DNAJC1: variants seen among roughly 807,000 people sequenced by gnomAD.
DNAJC1 encodes dnaJ homolog subfamily C member 1.
A neutral mutation model predicts 76.6 loss-of-function variants in DNAJC1; 58 were observed. That is an observed-to-expected ratio of 0.76 (90% CI 0.61 to 0.94). DNAJC1 has a LOEUF of 0.94. DNAJC1 is among the 40% of genes least tolerant of loss of function. DNAJC1 has a pLI of 0.00. For synonymous variants in DNAJC1, 258 were observed against 267.9 expected (o/e 0.96, Z 0.36); for missense variants, 689 against 677.3 (o/e 1.02, Z -0.19).
intron 1 of DNAJC1, among the ~76,000 whole-genome samples, chr10:21,957,915 T>C (rs1801227011): frequency 6.6e-6 from 1 of 152,198 alleles, no homozygotes; most frequent in African/African-American, 2.4e-5. Flanking sequence ...TGTACTATTA[T>C]TAAGCAAAAT....
At chr10:21,779,371 C>T (rs930528188) in intron 9 of DNAJC1, among the ~76,000 whole-genome samples, 6 of 152,198 alleles carry the variant, frequency 3.9e-5, no homozygotes, top group African/African-American at 1.4e-4. Context: ...ACACCTCACA[C>T]GGCCACATAC....
At chr10:21,873,529 A>G (rs1836138477) in intron 8 of DNAJC1, among the ~76,000 whole-genome samples, 1 of 152,190 alleles carries the variant, frequency 6.6e-6, no homozygotes, top group Non-Finnish European at 1.5e-5. Flanking sequence ...TATCCTTCAA[A>G]ATGAAGGATA....
intron 1 of DNAJC1, chr10:21,933,176 A>C (rs1334093610): frequency 6.6e-6 from 1 of 152,498 alleles, no homozygotes; most frequent in Non-Finnish European, 1.5e-5. Flanking sequence ...GACATCTGTC[A>C]CCCCACTGAT....
chr10:21,984,268 TA>T (rs1564844995), intron 1 of DNAJC1, among the ~76,000 whole-genome samples: 1 of 152,148 alleles, frequency 6.6e-6, no homozygotes, highest in Admixed American at 6.5e-5. Flanking sequence ...AATAACAGCT[TA>T]AAAAATGATA....
chr10:21,852,105 ACACAC>A (rs2131689274), intron 8 of DNAJC1, among the ~76,000 whole-genome samples: 1 of 136,024 alleles, frequency 7.4e-6, no homozygotes, highest in East Asian at 2.1e-4. Context: ...ACACACACAC[ACACAC>A]ACACACACAC....
chr10:21,851,201 A>T (rs573175678), intron 8 of DNAJC1, among the ~76,000 whole-genome samples: 2 of 152,348 alleles, frequency 1.3e-5, no homozygotes, highest in East Asian at 3.9e-4. Context: ...TATGAAAATG[A>T]AAAAACTCCT....
At chr10:21,808,445 CA>C (rs1470390242) in intron 8 of DNAJC1, among the ~76,000 whole-genome samples, 1 of 152,012 alleles carries the variant, frequency 6.6e-6, no homozygotes, top group Admixed American at 6.6e-5. Flanking sequence ...ACTGCTATGA[CA>C]GTCTTAAGTT....
intron 1 of DNAJC1, among the ~76,000 whole-genome samples, chr10:21,984,331 G>A (rs908539523): frequency 9.2e-5 from 14 of 152,162 alleles, no homozygotes; most frequent in Admixed American, 3.3e-4. Context: ...AGCAGTTCCA[G>A]GGGCAGTTAT....
intron 3 of DNAJC1, among the ~76,000 whole-genome samples, chr10:21,922,943 G>C (rs1194400104): frequency 2.0e-5 from 3 of 151,810 alleles, no homozygotes; most frequent in Non-Finnish European, 4.4e-5. Context: ...ATTTGCTTTG[G>C]GTATAACTAA....
At chr10:21,813,018 C>CACACACAT (rs1169646214) in intron 8 of DNAJC1, among the ~76,000 whole-genome samples, 2 of 81,064 alleles carry the variant, frequency 2.5e-5, no homozygotes, top group African/African-American at 5.1e-5. Context: ...AAGACATATA[C>CACACACAT]ACACACATAC....
chr10:21,880,725 G>T (rs139787865), intron 8 of DNAJC1, among the ~76,000 whole-genome samples: 1 of 152,292 alleles, frequency 6.6e-6, no homozygotes, highest in East Asian at 1.9e-4. Context: ...AGCACAGATA[G>T]AATGGATTTA....
intron 6 of DNAJC1, among the ~76,000 whole-genome samples, chr10:21,912,077 C>G (rs1416956330): frequency 6.6e-6 from 1 of 152,098 alleles, no homozygotes; most frequent in Non-Finnish European, 1.5e-5. Context: ...TTATAATCAG[C>G]CTGAACATTC....
chr10:21,919,633 T>C (rs1249233703), intron 5 of DNAJC1, among the ~76,000 whole-genome samples, 199 bp downstream of exon 5: 1 of 151,942 alleles, frequency 6.6e-6, no homozygotes, highest in Admixed American at 6.6e-5. Flanking sequence ...TCACACTTTA[T>C]ATGGGGGAAA....
intron 1 of DNAJC1, among the ~76,000 whole-genome samples, chr10:21,958,085 T>C (rs780477937): frequency 2.2e-4 from 34 of 152,320 alleles, no homozygotes; most frequent in Non-Finnish European, 3.4e-4. Flanking sequence ...TAATTGAGAA[T>C]ACCATTGTAT....
Position 21,803,074 on chromosome 10 carries a change from ACT to A in DNAJC1, c.1098+2904_1098+2905del, listed in dbSNP as rs1834831453. On this transcript the variant is annotated intron_variant, in intron 9 of 11. Coordinates refer to ENST00000376980, the MANE Select transcript of DNAJC1 (RefSeq NM_022365.4). ...ATCCAGAGTACAATTTAGCAATCTA[ACT>A]CTGCTAATTATGACAATTAATATAC... is the stretch of plus-strand genomic sequence containing the variant. Among the ~76,000 whole-genome samples, 3 of 152,142 alleles carry A rather than the reference ACT, an allele frequency of 2.0e-5. No individual in the cohort carries two copies. In the South Asian group the frequency reaches 6.2e-4, roughly 32 times the overall value.
At chr10:21,776,137 T>G (rs938316484) in intron 9 of DNAJC1, among the ~76,000 whole-genome samples, 3 of 152,122 alleles carry the variant, frequency 2.0e-5, no homozygotes, top group Non-Finnish European at 4.4e-5. Context: ...GTAGGTTGCA[T>G]TCCCTCTAGT....
intron 8 of DNAJC1, among the ~76,000 whole-genome samples, chr10:21,873,717 C>A (rs1047761339): frequency 6.6e-6 from 1 of 152,014 alleles, no homozygotes; most frequent in African/African-American, 2.4e-5. Flanking sequence ...GTGGAAAAGA[C>A]ACTATAAAGG....
intron 9 of DNAJC1, among the ~76,000 whole-genome samples, chr10:21,791,897 GA>G (rs924925576): frequency 6.6e-6 from 1 of 151,894 alleles, no homozygotes; most frequent in African/African-American, 2.4e-5. Flanking sequence ...AATTGAAACT[GA>G]AAAAACCATA....
intron 6 of DNAJC1, among the ~76,000 whole-genome samples, chr10:21,912,741 ATAGCCTTT>A: frequency 6.6e-6 from 1 of 152,240 alleles, no homozygotes; most frequent in East Asian, 1.9e-4. Flanking sequence ...CAAATGCCTC[ATAGCCTTT>A]TAGAAGCTTT....
Sources: allele counts gnomAD v4.1 joint callset (sites outside exome capture counted in the v4.1 genomes callset), GRCh38; gene constraint gnomAD v4.1.1; transcripts MANE v1.5; gene names NCBI Gene and HGNC (gene_info 2026-07-23, HGNC 2026-07-21).